C12orf42: variants seen among roughly 807,000 people sequenced by gnomAD.
C12orf42 encodes the protein uncharacterized protein C12orf42.
Under a neutral mutation model 21.6 loss-of-function variants are expected in C12orf42, and 25 were observed. The ratio of observed to expected loss-of-function variants is 1.16; its 90% CI spans 0.84 to 1.62. C12orf42 has a LOEUF of 1.62. Ranked by LOEUF, C12orf42 falls within the 40% of genes most tolerant of loss-of-function variation. The probability of loss-of-function intolerance (pLI) is 0.00; values close to 1 mark genes in which losing one functional copy is unlikely to be tolerated. For missense variants in C12orf42, 483 were observed against 459.3 expected, an observed-to-expected ratio of 1.05 and a Z score of -0.47; for synonymous variants, 174 against 175.0, an observed-to-expected ratio of 0.99 and a Z score of 0.05.
chr12:103,514,635 T>C, the C12orf42 span, among the ~76,000 whole-genome samples: 2 of 152,232 alleles, frequency 1.3e-5, no homozygotes, highest in South Asian at 2.1e-4. Flanking sequence ...AAATATATGA[T>C]CTGACTTTTT....
At chr12:103,532,612 G>A in the C12orf42 span, among the ~76,000 whole-genome samples, 63 of 152,098 alleles carry the variant, frequency 4.1e-4, no homozygotes, top group African/African-American at 1.4e-3. Flanking sequence ...TAATAAGAAA[G>A]AAAAATAGCT....
At chr12:103,165,742 G>A in the C12orf42 span, among the ~76,000 whole-genome samples, 5 of 152,208 alleles carry the variant, frequency 3.3e-5, no homozygotes, top group African/African-American at 1.2e-4. Flanking sequence ...ATCACAGTGC[G>A]CATAAAGAAT....
At chr12:103,251,540 C>G (rs902231826) in intron 10 of C12orf42, among the ~76,000 whole-genome samples, 6 of 152,144 alleles carry the variant, frequency 3.9e-5, no homozygotes, top group African/African-American at 1.4e-4. Context: ...ATATTAATAG[C>G]ATGTTTTACA....
chr12:103,232,509 C>T, the C12orf42 span, among the ~76,000 whole-genome samples: 17 of 151,962 alleles, frequency 1.1e-4, no homozygotes, highest in African/African-American at 4.1e-4. Flanking sequence ...GAGATCGAGA[C>T]CATCCTGGCT....
At chr12:103,228,056 G>T in the C12orf42 span, among the ~76,000 whole-genome samples, 1 of 152,132 alleles carries the variant, frequency 6.6e-6, no homozygotes, top group Non-Finnish European at 1.5e-5. Context: ...CGAGTACAGG[G>T]GATTGATCTC....
chr12:103,157,104 G>A, the C12orf42 span, among the ~76,000 whole-genome samples: 2 of 152,222 alleles, frequency 1.3e-5, no homozygotes, highest in Non-Finnish European at 2.9e-5. Context: ...GTGTAAAAGC[G>A]TTCTTATTTC....
intron 4 of C12orf42, among the ~76,000 whole-genome samples, chr12:103,289,708 G>C (rs1440959614): frequency 1.3e-5 from 2 of 152,138 alleles, no homozygotes; most frequent in Non-Finnish European, 2.9e-5. Flanking sequence ...ACAGTTCATT[G>C]TGATGGGGGG....
chr12:103,287,591 A>G (rs1450685504), intron 4 of C12orf42, among the ~76,000 whole-genome samples: 3 of 152,106 alleles, frequency 2.0e-5, no homozygotes, highest in African/African-American at 7.2e-5. Flanking sequence ...GCATTAGGTG[A>G]TATACCTAAT....
chr12:103,114,562 C>G, the C12orf42 span, among the ~76,000 whole-genome samples: 1 of 152,172 alleles, frequency 6.6e-6, no homozygotes, highest in Non-Finnish European at 1.5e-5. Context: ...AACTGCAGAC[C>G]TAAACTCTTT....
chr12:103,406,582 A>G (rs1317388), intron 2 of C12orf42, among the ~76,000 whole-genome samples: 30,863 of 152,088 alleles, frequency 0.2, 3,890 homozygotes, highest in East Asian at 0.35. Flanking sequence ...GATCAAGACA[A>G]TTCAGCTTTT....
chr12:103,526,480 A>G, the C12orf42 span, among the ~76,000 whole-genome samples: 4 of 152,176 alleles, frequency 2.6e-5, no homozygotes, highest in African/African-American at 4.8e-5. Context: ...TCGTTATTTC[A>G]TTGTATCCCC....
At chr12:103,350,784 T>A (rs545072379) in intron 4 of C12orf42, among the ~76,000 whole-genome samples, 5 of 152,168 alleles carry the variant, frequency 3.3e-5, no homozygotes, top group Non-Finnish European at 7.4e-5. Context: ...TTTCTCTCAG[T>A]CCATTTTCTC....
At chr12:103,061,876 T>C in the C12orf42 span, among the ~76,000 whole-genome samples, 1 of 151,932 alleles carries the variant, frequency 6.6e-6, no homozygotes, top group Admixed American at 6.6e-5. Context: ...ATATATATCA[T>C]CATTTTGTTA....
chr12:103,149,915 T>C, the C12orf42 span, among the ~76,000 whole-genome samples: 2 of 152,304 alleles, frequency 1.3e-5, no homozygotes, highest in Admixed American at 6.5e-5. Context: ...ATCTTTAAGG[T>C]TTAAATTAGT....
At chr12:103,520,247 T>C in the C12orf42 span, among the ~76,000 whole-genome samples, 1 of 152,116 alleles carries the variant, frequency 6.6e-6, no homozygotes, top group Non-Finnish European at 1.5e-5. Context: ...AGAGTGGTGA[T>C]GGGGCAATTT....
intron 3 of C12orf42, among the ~76,000 whole-genome samples, chr12:103,378,502 C>A (rs1009985359): frequency 1.3e-5 from 2 of 152,080 alleles, no homozygotes; most frequent in African/African-American, 4.8e-5. Flanking sequence ...AATCCTGGAC[C>A]CCATGAGGAA....
the C12orf42 span, among the ~76,000 whole-genome samples, chr12:103,052,066 T>C: frequency 6.6e-6 from 1 of 152,224 alleles, no homozygotes; most frequent in African/African-American, 2.4e-5. Context: ...TGTCTAATAT[T>C]GTTCATTAAT....
At chr12:103,405,881 A>G (rs2048390821) in intron 2 of C12orf42, among the ~76,000 whole-genome samples, 1 of 152,140 alleles carries the variant, frequency 6.6e-6, no homozygotes, top group African/African-American at 2.4e-5. Flanking sequence ...CAGAGGATCA[A>G]GACATTAAGA....
At chr12:103,286,858 G>T (rs1258358106) in intron 4 of C12orf42, among the ~76,000 whole-genome samples, 1 of 151,784 alleles carries the variant, frequency 6.6e-6, no homozygotes, top group Non-Finnish European at 1.5e-5. Context: ...GTAAAGGGAG[G>T]TTGGTAAAGC....
Sources: allele counts gnomAD v4.1 joint callset (sites outside exome capture counted in the v4.1 genomes callset), GRCh38; gene constraint gnomAD v4.1.1; transcripts MANE v1.5; gene names NCBI Gene and HGNC (gene_info 2026-07-23, HGNC 2026-07-21).